Variants in IFT74 observed in about 807,000 individuals in gnomAD.
IFT74 encodes the protein intraflagellar transport 74.
A neutral mutation model predicts 96.7 loss-of-function variants in IFT74; 92 were observed. The ratio of observed to expected loss-of-function variants is 0.95; its 90% CI spans 0.80 to 1.13. The LOEUF is 1.13. Ranked by LOEUF, IFT74 falls within the 50% of genes most tolerant of loss-of-function variation. IFT74 has a pLI of 0.00. For synonymous variants in IFT74, 223 were observed against 213.2 expected, an observed-to-expected ratio of 1.05 and a Z score of -0.40; for missense variants, 811 against 698.2, an observed-to-expected ratio of 1.16 and a Z score of -1.82.
intron 12 of IFT74, among the ~76,000 whole-genome samples, chr9:27,023,559 A>C (rs1279272934): frequency 6.6e-6 from 1 of 151,354 alleles, no homozygotes; most frequent in Non-Finnish European, 1.5e-5. Context: ...TTGGTTGGCT[A>C]ATTTTTTTTT....
chr9:27,041,905 G>A (rs1819496851), intron 13 of IFT74, among the ~76,000 whole-genome samples: 1 of 152,150 alleles, frequency 6.6e-6, no homozygotes, highest in East Asian at 1.9e-4. Flanking sequence ...CTGCTGAGAT[G>A]TGTAGGAGCT....
intron 8 of IFT74, among the ~76,000 whole-genome samples, chr9:27,006,300 G>T (rs190932678): frequency 2.0e-5 from 3 of 152,238 alleles, no homozygotes; most frequent in African/African-American, 4.8e-5. Context: ...TTTGTGCTTA[G>T]AAGCATTCAA....
intron 12 of IFT74, among the ~76,000 whole-genome samples, chr9:27,025,643 T>C (rs1829830370): frequency 6.6e-6 from 1 of 152,114 alleles, no homozygotes; most frequent in South Asian, 2.1e-4. Flanking sequence ...AGCAGATTTC[T>C]TAGCAGAAAC....
At chr9:26,976,315 C>G (rs529981170) in intron 2 of IFT74, among the ~76,000 whole-genome samples, 13 of 152,250 alleles carry the variant, frequency 8.5e-5, no homozygotes, top group African/African-American at 3.1e-4. Context: ...GACGAGTACT[C>G]AAACAAAGGA....
intron 17 of IFT74, 60 bp from the exon 18 acceptor site, chr9:27,056,274 A>T (rs907622529): frequency 7.9e-7 from 1 of 1,266,920 alleles, no homozygotes; most frequent in African/African-American, 1.5e-5. Context: ...GTTAAATATG[A>T]TTTATATTGG....
intron 7 of IFT74, 138 bp downstream of exon 7, chr9:26,988,866 G>C: frequency 1.2e-6 from 1 of 816,044 alleles, no homozygotes; most frequent in Non-Finnish European, 1.7e-6. Context: ...ACCACTATTA[G>C]GTATTCCTTG....
At chr9:26,985,684 C>T (rs939520657) in intron 6 of IFT74, among the ~76,000 whole-genome samples, 9 of 152,068 alleles carry the variant, frequency 5.9e-5, no homozygotes, top group African/African-American at 2.2e-4. Flanking sequence ...TTTACTGACA[C>T]ATACACAAAT....
chr9:27,025,610 A>G (rs1487145498), intron 12 of IFT74, among the ~76,000 whole-genome samples: 1 of 152,190 alleles, frequency 6.6e-6, no homozygotes, highest in African/African-American at 2.4e-5. Context: ...GGTAACCTAT[A>G]AAGGAAAACC....
intron 8 of IFT74, among the ~76,000 whole-genome samples, chr9:27,006,826 T>A (rs1448185811): frequency 6.9e-6 from 1 of 145,502 alleles, no homozygotes; most frequent in Non-Finnish European, 1.5e-5. Context: ...TACTTATTAT[T>A]GTGTGTTTTT....
intron 9 of IFT74, among the ~76,000 whole-genome samples, chr9:27,010,804 A>C (rs1201517900): frequency 3.3e-5 from 5 of 152,142 alleles, no homozygotes; most frequent in Non-Finnish European, 7.4e-5. Context: ...GATGAGTGAG[A>C]ACATGCAATA....
chr9:26,984,750 T>TA (rs1827564149), intron 6 of IFT74, among the ~76,000 whole-genome samples, 191 bp downstream of exon 6: 1 of 152,106 alleles, frequency 6.6e-6, no homozygotes, highest in Admixed American at 6.6e-5. Context: ...ATCAAAAGAA[T>TA]AATGAGATAC....
chr9:27,034,616 C>T (rs1037250494), intron 13 of IFT74, among the ~76,000 whole-genome samples: 12 of 152,190 alleles, frequency 7.9e-5, no homozygotes, highest in Non-Finnish European at 1.3e-4. Context: ...GCAACCTCCA[C>T]CTCTCAGGTT....
chr9:26,948,452 T>TATTA (rs1563926469), intron 1 of IFT74, among the ~76,000 whole-genome samples: 116 of 33,810 alleles, frequency 3.4e-3, no homozygotes, highest in African/African-American at 7.7e-3. Flanking sequence ...TCCATTATTT[T>TATTA]TTTTTTTTTT....
intron 16 of IFT74, among the ~76,000 whole-genome samples, chr9:27,053,753 G>A (rs1431700710): frequency 2.6e-5 from 4 of 152,074 alleles, no homozygotes; most frequent in Non-Finnish European, 5.9e-5. Context: ...TATTTCCCTA[G>A]TATATATTCA....
At chr9:26,985,522 T>C (rs1220551925) in intron 6 of IFT74, among the ~76,000 whole-genome samples, 6 of 152,104 alleles carry the variant, frequency 3.9e-5, no homozygotes. Flanking sequence ...AAATACCAAA[T>C]AGTACATGAA....
At position 27,056,367 on chromosome 9, in the gene IFT74, C is replaced by CTTTAAG; in HGVS notation, c.1531_1532insTTTAAG (p.His511delinsLeuTer). The CTTTAAG allele has an allele frequency of 6.3e-7, 1 of 1,590,174 alleles. No individual in the cohort carries two copies. Among genetic ancestry groups the CTTTAAG allele is most frequent in the South Asian group, 1.1e-5 (1 of 88,468 alleles). On this transcript the variant is annotated stop_gained and protein_altering_variant, in exon 18 of 20. Transcript: ENST00000380062. LOFTEE classifies it high-confidence loss of function. ...TCAGGAGAGAATGATATTATCAACC[C>CTTTAAG]ACAGAAATGCCTTTAAGAAAATAAT... is the stretch of plus-strand genomic sequence containing the variant.
chr9:27,065,056 T>G lies in IFT74; in HGVS notation c.*2320T>G, dbSNP rs886981724. On this transcript the variant is annotated 3_prime_UTR_variant, in exon 20 of 20. Coordinates refer to ENST00000380062, the MANE Select transcript of IFT74 (RefSeq NM_025103.4). ...AACCAATCTTTACGCAGAAAGAAAG[T>G]AGGAGGAAGATTGGCCTGTCCATTA... Among the ~76,000 whole-genome samples the G allele has an allele frequency of 6.6e-6, 1 of 152,146 alleles. No homozygotes were observed. The highest frequency in any genetic ancestry group is 2.4e-5 in the African/African-American group (1 of 41,450).
chr9:26,956,134 C>G (rs1826081725), upstream of IFT74: 1 of 152,194 alleles, frequency 6.6e-6, no homozygotes, highest in South Asian at 2.1e-4. Flanking sequence ...TACCTAGGGA[C>G]ATAGCAAAAC....
At chr9:27,017,498 A>G (rs1829405726) in intron 11 of IFT74, among the ~76,000 whole-genome samples, 1 of 152,196 alleles carries the variant, frequency 6.6e-6, no homozygotes, top group African/African-American at 2.4e-5. Context: ...TTGGGACTAT[A>G]GGCACCCAGC....
Sources: gnomAD v4.1 joint callset for allele counts (sites outside exome capture counted in the v4.1 genomes callset) on GRCh38, gnomAD v4.1.1 for gene constraint, MANE v1.5 for transcripts, NCBI Gene and HGNC (gene_info 2026-07-23, HGNC 2026-07-21) for gene names.